The following LRRC9 variants were observed in gnomAD, a reference collection of about 807,000 sequenced individuals.
LRRC9 encodes the protein leucine-rich repeat-containing protein 9.
A neutral mutation model predicts 63.2 loss-of-function variants in LRRC9; 122 were observed. That is an observed-to-expected ratio of 1.93 (90% CI 1.67 to 2.24). The LOEUF (loss-of-function observed/expected upper bound fraction) is 2.24. LRRC9 is among the 30% of genes most tolerant of loss of function. The pLI is 0.00. For missense variants in LRRC9, 1,071 were observed against 627.7 expected, an observed-to-expected ratio of 1.71 and a Z score of -7.55; for synonymous variants, 366 against 213.1, an observed-to-expected ratio of 1.72 and a Z score of -6.25.
chr14:60,055,692 A>AGT (rs1894218984), intron 30 of LRRC9, among the ~76,000 whole-genome samples: 1 of 148,560 alleles, frequency 6.7e-6, no homozygotes, highest in Non-Finnish European at 1.5e-5. Flanking sequence ...CACGAGTTGG[A>AGT]GTGCAGCCTG....
chr14:59,979,711 G>C (rs934726767), intron 15 of LRRC9, among the ~76,000 whole-genome samples: 1 of 150,350 alleles, frequency 6.7e-6, no homozygotes, highest in African/African-American at 2.4e-5. Context: ...GTAAACTATC[G>C]CAAGGACAAA....
Position 59,964,779 on chromosome 14 carries a change from C to T in LRRC9, c.1212-1810C>T, listed in dbSNP as rs1284433931. ...TTTGTAGGTACTCTAAACTGGTTAG[C>T]AGGCATCATGCTTGATTGCAACACT... On this transcript the variant is annotated intron_variant, in intron 10 of 31. Transcript: ENST00000445360. This position sits in a 1 kb window ranked among gnomAD's most constrained non-coding sequence, Gnocchi z 4.4. Among the ~76,000 whole-genome samples, 1 of 146,644 alleles carries T rather than the reference C, an allele frequency of 6.8e-6. No individual in the cohort carries two copies. Among genetic ancestry groups the T allele is most frequent in the Non-Finnish European group, 1.5e-5 (1 of 65,700 alleles).
rs1887457429 is a variant in LRRC9 at position 59,986,214 on chromosome 14, T to C, written c.2211+990T>C. On this transcript the variant is annotated intron_variant, in intron 17 of 31. Coordinates refer to ENST00000445360, the Ensembl canonical transcript of LRRC9. This position sits in a 1 kb window ranked among gnomAD's most constrained non-coding sequence, Gnocchi z 4.7. ...GGATATTGTCTGGCTTTTATTTTGT[T>C]ATACATCATATAACAAAAATAATTA... Among the ~76,000 whole-genome samples, 1 of 152,162 alleles carries C rather than the reference T, an allele frequency of 6.6e-6. No homozygotes were observed. Among genetic ancestry groups the C allele is most frequent in the Admixed American group, 6.5e-5 (1 of 15,278 alleles).
rs1248065428 is a variant in LRRC9, at chr14:60,042,529, G to A, written c.3990+10466G>A. On this transcript the variant is annotated intron_variant, in intron 29 of 31. Coordinates refer to ENST00000445360, the Ensembl canonical transcript of LRRC9. The surrounding 1 kb of genome is among the most constrained non-coding windows in gnomAD (Gnocchi z 4.2). ...GTGCTGGCAGTGAGTGAGGCTCCGT[G>A]GGCATGGGATCCTCCAAGCCATGCG... Among the ~76,000 whole-genome samples, 5 of 152,210 alleles carry A rather than the reference G, an allele frequency of 3.3e-5. No individual in the cohort carries two copies. Among genetic ancestry groups the A allele is most frequent in the African/African-American group, 9.6e-5 (4 of 41,452 alleles).
rs1254910109 is a variant in LRRC9, at chr14:60,027,873, T to C, written c.3704-11T>C. 5.8e-6 allele frequency: 4 copies of C among 691,416 alleles called. No individual in the cohort carries two copies. In the Admixed American group the frequency reaches 6.3e-5, roughly 11 times the overall value. 42.8% of individuals were successfully genotyped at this position (691,416 alleles called of 1,614,324 possible). A position where few individuals can be genotyped will look rare whatever the true frequency, so the allele number is the denominator to read the frequency against. On this transcript the variant is annotated splice_polypyrimidine_tract_variant and intron_variant, in intron 27 of 31. Transcript: ENST00000445360. This position sits in a 1 kb window ranked among gnomAD's most constrained non-coding sequence, Gnocchi z 4.0. Reference sequence around the variant, plus strand: ...GGCTCACTTGATATATCATGACTTATCTCTTTTTAGGTAATGAAATCAGCC... The same window carrying C: ...GGCTCACTTGATATATCATGACTTACCTCTTTTTAGGTAATGAAATCAGCC...
rs1433458912 is a variant in LRRC9, at chr14:59,932,896, C to T, written c.543+857C>T. On this transcript the variant is annotated intron_variant, in intron 6 of 31. Transcript: ENST00000445360. This position sits in a 1 kb window ranked among gnomAD's most constrained non-coding sequence, Gnocchi z 4.7. Reference sequence around the variant, plus strand: ...CCCTTCTGCTTAAAACCCTCCGTCGCCTTCTCATCTATTTCAGAGTAGAAG... The same window carrying T: ...CCCTTCTGCTTAAAACCCTCCGTCGTCTTCTCATCTATTTCAGAGTAGAAG... Among the ~76,000 whole-genome samples, 1 of 152,128 alleles carries T rather than the reference C, an allele frequency of 6.6e-6. No individual in the cohort carries two copies. Among genetic ancestry groups the T allele is most frequent in the Non-Finnish European group, 1.5e-5 (1 of 68,000 alleles).
At chr14:60,023,061 A>G (rs544304043) in intron 27 of LRRC9, among the ~76,000 whole-genome samples, 191 bp downstream of exon 27, 1 of 152,152 alleles carries the variant, frequency 6.6e-6, no homozygotes, top group South Asian at 2.1e-4. Flanking sequence ...AGGTCAATGC[A>G]GTATTCTGAG....
rs1156837536 is a variant in LRRC9, at chr14:60,027,905, A to C, written c.3725A>C (p.Glu1242Ala). The C allele has an allele frequency of 1.4e-6, 1 of 700,168 alleles. No homozygotes were observed. The highest frequency in any genetic ancestry group is 2.7e-5 in the East Asian group (1 of 37,224). The allele number at this position is 700,168 out of a possible 1,614,324, so 43.4% of individuals were successfully genotyped here. Residue 1242 changes from glutamate (E) to alanine (A), a missense_variant, in exon 28 of 32, where the codon GAA becomes GCA. Physicochemically the swap from Glu to Ala is moderately radical, Grantham distance 107 (BLOSUM62 -1). Transcript: ENST00000445360. This position sits in a 1 kb window ranked among gnomAD's most constrained non-coding sequence, Gnocchi z 4.0. ...TTAGGTAATGAAATCAGCCAAGTTG[A>C]AGGGCTTGACAACTTAGTAGTCCTT...
chr14:59,928,580 G>C (rs1226260427), intron 3 of LRRC9, 94 bp downstream of exon 3: 2 of 434,668 alleles, frequency 4.6e-6, no homozygotes, highest in Non-Finnish European at 8.1e-6. Context: ...ATAAGGCATG[G>C]GTTAAGACAG....
Position 60,019,801 on chromosome 14 carries a change from CA to C in LRRC9, c.3566+544del, listed in dbSNP as rs1890977760. Among the ~76,000 whole-genome samples, 10 of 151,406 alleles carry C rather than the reference CA, an allele frequency of 6.6e-5. No individual in the cohort carries two copies. The South Asian group carries it at 2.1e-3, about 31-fold the overall frequency. On this transcript the variant is annotated intron_variant, in intron 26 of 31. Coordinates refer to ENST00000445360, the Ensembl canonical transcript of LRRC9. ...AGATACTTTATGCAAAAAATGACAACAAACCTTCTACCTCCTTACACATTTT... is the reference window on the plus strand; with the variant it reads ...AGATACTTTATGCAAAAAATGACAACAACCTTCTACCTCCTTACACATTTT...
At chr14:60,055,923 T>G (rs1894251721) in intron 30 of LRRC9, among the ~76,000 whole-genome samples, 3 of 132,962 alleles carry the variant, frequency 2.3e-5, no homozygotes, top group African/African-American at 8.2e-5. Flanking sequence ...AAAAAAAAAG[T>G]ATTGGCAGGG....
At chr14:60,024,324 G>C (rs866636476) in intron 27 of LRRC9, among the ~76,000 whole-genome samples, 1 of 152,046 alleles carries the variant, frequency 6.6e-6, no homozygotes, top group Non-Finnish European at 1.5e-5. Context: ...TATAGAGCCA[G>C]GACCAAAGTA....
intron 17 of LRRC9, among the ~76,000 whole-genome samples, chr14:59,992,503 A>G (rs1231894785): frequency 6.6e-6 from 1 of 152,158 alleles, no homozygotes; most frequent in Non-Finnish European, 1.5e-5. Context: ...AGACGATCAA[A>G]CTACTCAGAG....
rs1884687543 is a variant in LRRC9 at position 59,964,969 on chromosome 14, T to C, written c.1212-1620T>C. 6.6e-6 allele frequency among the ~76,000 whole-genome samples: 1 copy of C among 152,174 alleles called. No individual in the cohort carries two copies. Among genetic ancestry groups the C allele is most frequent in the Non-Finnish European group, 1.5e-5 (1 of 68,018 alleles). On this transcript the variant is annotated intron_variant, in intron 10 of 31. Transcript: ENST00000445360. This position sits in a 1 kb window ranked among gnomAD's most constrained non-coding sequence, Gnocchi z 4.4. ...AGATGCCCTAAGTTAGGAGCTCAGC[T>C]ATTAGGCTCAAGGAGAGACTACCCA...
At chr14:60,043,735 G>A (rs566033331) in intron 29 of LRRC9, among the ~76,000 whole-genome samples, 41 of 141,096 alleles carry the variant, frequency 2.9e-4, no homozygotes, top group African/African-American at 7.8e-4. Flanking sequence ...ATCAGTGAGC[G>A]TAGCCTGTAG....
Position 59,983,399 on chromosome 14 carries a change from T to A in LRRC9, c.2091+1339T>A, listed in dbSNP as rs567290173. Among the ~76,000 whole-genome samples the A allele has an allele frequency of 2.0e-5, 3 of 152,358 alleles. No individual in the cohort carries two copies. In the South Asian group the frequency reaches 6.2e-4, roughly 32 times the overall value. ...ATTTCTGCACTATAATATCTAGATTTACTATTTTAGTAAGAAATTAGTTTA... is the reference window on the plus strand; with the variant it reads ...ATTTCTGCACTATAATATCTAGATTAACTATTTTAGTAAGAAATTAGTTTA... On this transcript the variant is annotated intron_variant, in intron 16 of 31. Coordinates refer to ENST00000445360, the Ensembl canonical transcript of LRRC9.
At chr14:59,959,895 T>G (rs1217547831) in exon 9 of LRRC9, 1 of 700,392 alleles carries the variant, frequency 1.4e-6, no homozygotes, top group Non-Finnish European at 2.6e-6. Context: ...AAGTAACTGA[T>G]CCTGAAACAC....
In LRRC9 at chr14:60,060,442, C is replaced by A. The variant is rs186577998; in HGVS notation, c.4276+2420C>A. On this transcript the variant is annotated intron_variant, in intron 31 of 31. Transcript: ENST00000445360. This position sits in a 1 kb window ranked among gnomAD's most constrained non-coding sequence, Gnocchi z 4.0. ...ATATATTTTGTAAGGCTCTAACTACCATAGACAGTGATTCCTAACCGGGCG... is the reference window on the plus strand; with the variant it reads ...ATATATTTTGTAAGGCTCTAACTACAATAGACAGTGATTCCTAACCGGGCG... 6.6e-4 allele frequency among the ~76,000 whole-genome samples: 101 copies of A among 152,156 alleles called. 4 individuals are homozygous for A. The Middle Eastern group carries it at 0.02, about 31-fold the overall frequency.
At chr14:60,028,602 T>C (rs1891738522) in intron 28 of LRRC9, among the ~76,000 whole-genome samples, 3 of 152,146 alleles carry the variant, frequency 2.0e-5, no homozygotes, top group South Asian at 4.1e-4. Context: ...CCTGTTACTT[T>C]TAGGTCACTG....
Sources: allele counts gnomAD v4.1 joint callset (sites outside exome capture counted in the v4.1 genomes callset), GRCh38; gene constraint gnomAD v4.1.1; non-coding constraint Gnocchi (gnomAD v3.1); transcripts MANE v1.5; gene names NCBI Gene and HGNC (gene_info 2026-07-23, HGNC 2026-07-21).